SEC24A: variants seen among roughly 807,000 people sequenced by gnomAD.
The protein encoded by SEC24A is SEC24 homolog A, COPII component.
Under a neutral mutation model 129.4 loss-of-function variants are expected in SEC24A, and 93 were observed. The ratio of observed to expected loss-of-function variants is 0.72; its 90% CI spans 0.61 to 0.85. SEC24A has a LOEUF of 0.85. Among genes scored for constraint, SEC24A ranks in the 40% least tolerant of loss-of-function variants. The pLI, the probability that SEC24A is intolerant of heterozygous loss-of-function variation, is 0.00. For synonymous variants in SEC24A, 460 were observed against 467.3 expected (o/e 0.98, Z 0.20); for missense variants, 1,264 against 1,307.4 (o/e 0.97, Z 0.51).
intron 1 of SEC24A, among the ~76,000 whole-genome samples, chr5:134,660,692 AC>A (rs1750421659): frequency 6.6e-6 from 1 of 151,354 alleles, no homozygotes; most frequent in Non-Finnish European, 1.5e-5. Context: ...AGTAGCTAAG[AC>A]TACAGGCGCA....
At chr5:134,675,985 A>G in intron 6 of SEC24A, 38 bp from the exon 7 acceptor site, 1 of 1,392,494 alleles carries the variant, frequency 7.2e-7, no homozygotes, top group South Asian at 1.3e-5. Flanking sequence ...AAAAATAATC[A>G]TAGCAGCAAC....
At chr5:134,658,889 G>A (rs1230780729) in intron 1 of SEC24A, among the ~76,000 whole-genome samples, 2 of 152,038 alleles carry the variant, frequency 1.3e-5, no homozygotes, top group Non-Finnish European at 2.9e-5. Context: ...ATCTTTCCTG[G>A]TTGCCCCTGG....
chr5:134,669,350 G>C (rs1277313098), intron 3 of SEC24A, among the ~76,000 whole-genome samples: 1 of 151,416 alleles, frequency 6.6e-6, no homozygotes, highest in Non-Finnish European at 1.5e-5. Flanking sequence ...ATTTTTAGTA[G>C]AGATGGGGTT....
intron 9 of SEC24A, among the ~76,000 whole-genome samples, chr5:134,683,029 C>CTT (rs879810942): frequency 6.8e-6 from 1 of 146,988 alleles, no homozygotes; most frequent in African/African-American, 2.5e-5. Context: ...CTCGTATTTA[C>CTT]TTTTTTTTTT....
intron 11 of SEC24A, among the ~76,000 whole-genome samples, chr5:134,690,348 T>C (rs1047323991): frequency 1.3e-5 from 2 of 152,164 alleles, no homozygotes; most frequent in Non-Finnish European, 2.9e-5. Flanking sequence ...ACAGAGACTC[T>C]TGTTGCCCAT....
intron 1 of SEC24A, among the ~76,000 whole-genome samples, chr5:134,649,817 A>T (rs1343515466): frequency 6.6e-6 from 1 of 152,220 alleles, no homozygotes; most frequent in Non-Finnish European, 1.5e-5. Context: ...CTACATGTAC[A>T]TTATAGTTTG....
At chr5:134,689,695 C>A (rs1204947501) in intron 11 of SEC24A, among the ~76,000 whole-genome samples, 1 of 150,292 alleles carries the variant, frequency 6.7e-6, no homozygotes, top group African/African-American at 2.5e-5. Context: ...CGGGAGGAGG[C>A]GGAGCTTGCA....
chr5:134,710,706 CT>C (rs1271978656), intron 18 of SEC24A, among the ~76,000 whole-genome samples: 1 of 152,160 alleles, frequency 6.6e-6, no homozygotes, highest in Non-Finnish European at 1.5e-5. Flanking sequence ...TATGTCTCCC[CT>C]GCCTGCTCTT....
chr5:134,674,997 C>T (rs771948822), intron 5 of SEC24A, 48 bp from the exon 6 acceptor site: 6 of 1,443,450 alleles, frequency 4.2e-6, no homozygotes, highest in Non-Finnish European at 5.6e-6. Context: ...TAACCACTTC[C>T]CTACACACTT....
At chr5:134,718,601 C>T (rs945228284) in intron 20 of SEC24A, among the ~76,000 whole-genome samples, 16 of 152,072 alleles carry the variant, frequency 1.1e-4, no homozygotes, top group Admixed American at 5.2e-4. Flanking sequence ...ATGATCTTGA[C>T]GCTGTATAGG....
chr5:134,697,504 CTG>C (rs992721307), intron 14 of SEC24A, among the ~76,000 whole-genome samples: 3 of 152,082 alleles, frequency 2.0e-5, no homozygotes, highest in African/African-American at 7.2e-5. Flanking sequence ...TTTGTGAGGC[CTG>C]TGCAGGAGGA....
intron 16 of SEC24A, among the ~76,000 whole-genome samples, chr5:134,705,070 T>TTTTATATATATATATATATATATA (rs1554141294): frequency 1.5e-5 from 2 of 133,332 alleles, no homozygotes; most frequent in Admixed American, 1.6e-4. Context: ...ATATTTATAT[T>TTTTATATATATATATATATATATA]TATATATATA....
chr5:134,708,649 T>G (rs910562218), intron 17 of SEC24A, 64 bp from the exon 18 acceptor site: 1 of 1,432,616 alleles, frequency 7.0e-7, no homozygotes, highest in East Asian at 2.3e-5. Flanking sequence ...TCTTCTATCC[T>G]TAACAGTGGA....
chr5:134,673,530 C>A (rs1750948789), intron 4 of SEC24A, among the ~76,000 whole-genome samples: 1 of 151,998 alleles, frequency 6.6e-6, no homozygotes, highest in Non-Finnish European at 1.5e-5. Flanking sequence ...TGGGCACAAT[C>A]TCGGCTCACC....
intron 22 of SEC24A, among the ~76,000 whole-genome samples, chr5:134,723,935 AT>A: frequency 6.6e-6 from 1 of 152,222 alleles, no homozygotes; most frequent in Non-Finnish European, 1.5e-5. Flanking sequence ...TAATTAACAT[AT>A]TCATCTTCTC....
At chr5:134,714,565 G>A (rs938331772) in intron 18 of SEC24A, among the ~76,000 whole-genome samples, 2 of 152,208 alleles carry the variant, frequency 1.3e-5, no homozygotes. Flanking sequence ...GTCCCCACCA[G>A]TCTGTGGAAA....
At chr5:134,669,539 C>T (rs1383006868) in intron 3 of SEC24A, among the ~76,000 whole-genome samples, 4 of 150,582 alleles carry the variant, frequency 2.7e-5, no homozygotes, top group African/African-American at 4.9e-5. Flanking sequence ...TGCAGTGGCA[C>T]GATCTTGGCT....
intron 16 of SEC24A, among the ~76,000 whole-genome samples, chr5:134,704,881 T>G (rs1254614038): frequency 6.6e-6 from 1 of 150,926 alleles, no homozygotes; most frequent in Non-Finnish European, 1.5e-5. Flanking sequence ...CTTACTATGT[T>G]GTTCAGCCCT....
At chr5:134,675,989 C>A in intron 6 of SEC24A, 34 bp from the exon 7 acceptor site, 2 of 1,409,310 alleles carry the variant, frequency 1.4e-6, no homozygotes, top group Non-Finnish European at 2.0e-6. Context: ...ATAATCATAG[C>A]AGCAACTGAT....
Sources: allele counts gnomAD v4.1 joint callset (sites outside exome capture counted in the v4.1 genomes callset), GRCh38; gene constraint gnomAD v4.1.1; transcripts MANE v1.5; gene names NCBI Gene and HGNC (gene_info 2026-07-23, HGNC 2026-07-21).